CTNND2: variants seen among roughly 807,000 people sequenced by gnomAD.
CTNND2 encodes the protein catenin delta-2.
In CTNND2, 22 loss-of-function variants were observed where a neutral mutation model predicts 144.4. The observed-to-expected ratio is 0.15, with a 90% CI of 0.11 to 0.22. The LOEUF is 0.22. CTNND2 is among the 10% of genes least tolerant of loss of function. CTNND2 has a pLI of 1.00. For missense variants in CTNND2, 1,353 were observed against 1,618.8 expected, an observed-to-expected ratio of 0.84 and a Z score of 2.82; for synonymous variants, 751 against 695.6, an observed-to-expected ratio of 1.08 and a Z score of -1.25.
At chr5:11,535,852 T>G (rs1774166825) in intron 3 of CTNND2, among the ~76,000 whole-genome samples, 1 of 152,186 alleles carries the variant, frequency 6.6e-6, no homozygotes, top group Non-Finnish European at 1.5e-5. Context: ...TCAGGTGACT[T>G]AGAAAAGTGT....
intron 3 of CTNND2, among the ~76,000 whole-genome samples, chr5:11,536,117 G>A (rs1310445128): frequency 1.3e-5 from 2 of 152,152 alleles, no homozygotes; most frequent in Non-Finnish European, 2.9e-5. Flanking sequence ...AGGCTGAAGT[G>A]CAGTGTCACT....
chr5:11,584,415 A>T (rs1029900462), intron 2 of CTNND2, among the ~76,000 whole-genome samples: 48 of 87,616 alleles, frequency 5.5e-4, no homozygotes, highest in African/African-American at 1.8e-3. Context: ...ACATATATAT[A>T]TATTTTTTTT....
intron 10 of CTNND2, among the ~76,000 whole-genome samples, chr5:11,214,273 T>A (rs1470245491): frequency 1.3e-5 from 2 of 152,236 alleles, no homozygotes; most frequent in Non-Finnish European, 2.9e-5. Flanking sequence ...AAATGTCAGG[T>A]TTATAAAAAT....
In CTNND2 at chr5:10,980,158, C is replaced by T. The variant is rs767337347; in HGVS notation, c.3417+1615G>A. Among the ~76,000 whole-genome samples the T allele has an allele frequency of 5.4e-4, 82 of 151,724 alleles. 2 individuals are homozygous for T. The highest frequency in any genetic ancestry group is 1.5e-3 in the African/African-American group (62 of 41,348). ...AATTTTTTGCAATCTATCCATCTGACGAAGGGCTAATATCCAGAATCTATA... is the reference window on the plus strand; with the variant it reads ...AATTTTTTGCAATCTATCCATCTGATGAAGGGCTAATATCCAGAATCTATA... On this transcript the variant is annotated intron_variant, in intron 21 of 21. Transcript: ENST00000304623.
intron 1 of CTNND2, among the ~76,000 whole-genome samples, chr5:11,895,889 T>TA (rs1737358615): frequency 6.6e-6 from 1 of 152,140 alleles, no homozygotes; most frequent in African/African-American, 2.4e-5. Flanking sequence ...GCAAATGAAT[T>TA]AGAGAAAAAC....
At chr5:11,786,293 A>T (rs1207660440) in intron 1 of CTNND2, among the ~76,000 whole-genome samples, 1 of 152,198 alleles carries the variant, frequency 6.6e-6, no homozygotes, top group African/African-American at 2.4e-5. Flanking sequence ...CTCAGAAGGG[A>T]ATTCATCAAT....
At chr5:11,649,662 C>A (rs1354355025) in intron 2 of CTNND2, among the ~76,000 whole-genome samples, 4 of 152,182 alleles carry the variant, frequency 2.6e-5, no homozygotes, top group Admixed American at 1.3e-4. Flanking sequence ...TTGGGTTAAA[C>A]ACAGACAAAT....
intron 1 of CTNND2, among the ~76,000 whole-genome samples, chr5:11,734,969 T>C (rs1208478040): frequency 6.6e-6 from 1 of 152,098 alleles, no homozygotes; most frequent in Non-Finnish European, 1.5e-5. Flanking sequence ...AAACAGAATA[T>C]GTGAGAAGGA....
chr5:11,059,873 T>G (rs748252018), intron 16 of CTNND2, among the ~76,000 whole-genome samples: 5 of 152,184 alleles, frequency 3.3e-5, no homozygotes, highest in Non-Finnish European at 7.3e-5. Flanking sequence ...TATATATAGA[T>G]ATACCCATAC....
At chr5:11,130,797 G>A (rs866605886) in intron 12 of CTNND2, among the ~76,000 whole-genome samples, 9 of 152,098 alleles carry the variant, frequency 5.9e-5, no homozygotes, top group South Asian at 2.1e-4. Flanking sequence ...TCCATCCCCC[G>A]GGTCAGTGCC....
intron 12 of CTNND2, among the ~76,000 whole-genome samples, chr5:11,128,785 TA>T (rs1235051956): frequency 4.7e-5 from 2 of 42,338 alleles, no homozygotes; most frequent in African/African-American, 8.1e-5. Context: ...ATAAAATATA[TA>T]AATATATATT....
At chr5:11,251,905 G>T (rs1743696289) in intron 9 of CTNND2, among the ~76,000 whole-genome samples, 1 of 152,096 alleles carries the variant, frequency 6.6e-6, no homozygotes, top group Non-Finnish European at 1.5e-5. Flanking sequence ...TTATGACTTT[G>T]AAAGTCCTAA....
chr5:11,413,904 G>A (rs1179032687), intron 3 of CTNND2, among the ~76,000 whole-genome samples: 3 of 152,126 alleles, frequency 2.0e-5, no homozygotes, highest in Admixed American at 6.6e-5. Context: ...TGGGTTGAAC[G>A]GAGGGCCTTC....
In CTNND2 at chr5:11,528,415, TA is replaced by T. The variant is rs60434750; in HGVS notation, c.287+36528del. The stretch of plus-strand genomic sequence containing the variant: ...GAGTTCTTATTCCCAGTAGTTCACA[TA>T]AAAAAAAAATGAAATTTCTTATTAG... On this transcript the variant is annotated intron_variant, in intron 3 of 21. Transcript: ENST00000304623. Among the ~76,000 whole-genome samples the T allele has an allele frequency of 4.7e-3, 704 of 148,974 alleles. 6 individuals carry two copies. The highest frequency in any genetic ancestry group is 0.015 in the African/African-American group (617 of 40,710).
intron 3 of CTNND2, among the ~76,000 whole-genome samples, chr5:11,459,115 A>C (rs1765979185): frequency 6.6e-6 from 1 of 152,126 alleles, no homozygotes; most frequent in Admixed American, 6.6e-5. Flanking sequence ...TGAAAATTAA[A>C]CGAGACAATA....
At chr5:11,662,373 C>G (rs1187398585) in intron 2 of CTNND2, among the ~76,000 whole-genome samples, 1 of 151,326 alleles carries the variant, frequency 6.6e-6, no homozygotes, top group Admixed American at 6.6e-5. Context: ...CGTCTGCAAG[C>G]TGAGGAGCAA....
intron 18 of CTNND2, among the ~76,000 whole-genome samples, chr5:10,994,410 A>C (rs1356815251): frequency 5.6e-5 from 1 of 17,904 alleles, no homozygotes; most frequent in Non-Finnish European, 1.0e-4. Flanking sequence ...GGAACGAGGA[A>C]CGGGGCGGGG....
chr5:11,607,981 T>C (rs755331176), intron 2 of CTNND2, among the ~76,000 whole-genome samples: 26 of 152,130 alleles, frequency 1.7e-4, no homozygotes, highest in Non-Finnish European at 3.5e-4. Context: ...AAATACAACA[T>C]CTCTGAATTT....
Position 11,364,762 on chromosome 5 carries a change from T to A in CTNND2, c.1306A>T (p.Ser436Cys), listed in dbSNP as rs748907131. Residue 436 changes from serine to cysteine, a missense_variant, in exon 8 of 22, where the codon AGT (serine) becomes TGT (cysteine). Around this residue, in one of 4 missense-constraint regions of CTNND2, gnomAD observed 708 missense variants for 706.4 expected, o/e 1.00. Transcript: ENST00000304623. ...DRVYQKPPMR[S>C]LSQSQGDPLP... ...GGGTCCCCCTGGCTCTGGCTGAGAC[T>A]CCTCATAGGGGGCTTCTGATAGACG... 1 of 1,613,922 alleles carries A rather than the reference T, an allele frequency of 6.2e-7. No individual in the cohort carries two copies. Among genetic ancestry groups the A allele is most frequent in the Non-Finnish European group, 8.5e-7 (1 of 1,179,930 alleles).
Sources: gnomAD v4.1 joint callset for allele counts (sites outside exome capture counted in the v4.1 genomes callset) on GRCh38, gnomAD v4.1.1 for gene constraint, gnomAD v4.1.1 regional missense constraint, MANE v1.5 for transcripts, NCBI Gene and HGNC (gene_info 2026-07-23, HGNC 2026-07-21) for gene names.